The following CCDC40 variants were observed in gnomAD, a reference collection of about 807,000 sequenced individuals.
CCDC40 encodes the protein coiled-coil domain-containing protein 40.
CCDC40 carries 104 observed loss-of-function variants against 124.5 expected under a neutral mutation model. The ratio of observed to expected loss-of-function variants is 0.84; its 90% CI spans 0.71 to 0.98. The LOEUF (loss-of-function observed/expected upper bound fraction) is 0.98, where lower values mean the gene tolerates loss of function less well. CCDC40 is among the 50% of genes least tolerant of loss of function. The pLI is 0.00. For synonymous variants in CCDC40, 580 were observed against 602.9 expected, an observed-to-expected ratio of 0.96 and a Z score of 0.56; for missense variants, 1,463 against 1,503.9, an observed-to-expected ratio of 0.97 and a Z score of 0.45.
Position 80,050,046 on chromosome 17 carries a change from T to C in CCDC40, c.940-18T>C, listed in dbSNP as rs1568677227. ...GGATGCCTGCGTCCTGGTGACCCTGTTTCTCTCTTTGGTCCAGGTTGTGGC... is the reference window on the plus strand; with the variant it reads ...GGATGCCTGCGTCCTGGTGACCCTGCTTCTCTCTTTGGTCCAGGTTGTGGC... On this transcript the variant is annotated intron_variant, in intron 6 of 19. Transcript: ENST00000397545. 4.3e-6 allele frequency: 7 copies of C among 1,613,846 alleles called. No homozygotes were observed. Among genetic ancestry groups the C allele is most frequent in the Non-Finnish European group, 5.1e-6 (6 of 1,179,898 alleles).
At chr17:80,067,898 G>T in intron 10 of CCDC40, 1 of 1,350,012 alleles carries the variant, frequency 7.4e-7, no homozygotes, top group Non-Finnish European at 9.5e-7. Flanking sequence ...ACGTGCATGC[G>T]CAGAATGTTG....
At chr17:80,060,955 A>G (rs954346988) in intron 9 of CCDC40, among the ~76,000 whole-genome samples, 14 of 152,342 alleles carry the variant, frequency 9.2e-5, no homozygotes, top group East Asian at 3.9e-4. Flanking sequence ...TAAATGGGGG[A>G]AAATGTGCCA....
chr17:80,059,310 G>C lies in CCDC40; in HGVS notation c.1440+330G>C, dbSNP rs561872469. On this transcript the variant is annotated intron_variant, in intron 9 of 19. Transcript: ENST00000397545. ...GCCTGCAGGGACCTCTTCCGGGGAG[G>C]ACTGAAGTCTTTCTAACAATTCTCA... 8.5e-5 allele frequency among the ~76,000 whole-genome samples: 13 copies of C among 152,248 alleles called. No homozygotes were observed. In the South Asian group the frequency reaches 2.7e-3, roughly 32 times the overall value.
chr17:80,050,360 G>T lies in CCDC40; in HGVS notation c.1159+77G>T, dbSNP rs994970941. 4 of 1,201,944 alleles carry T rather than the reference G, an allele frequency of 3.3e-6. No individual in the cohort carries two copies. In the African/African-American group the frequency reaches 6.1e-5, roughly 18 times the overall value. The allele number at this position is 1,201,944 out of a possible 1,614,324, so 74.5% of individuals were successfully genotyped here. Reference sequence around the variant, plus strand: ...GGGGTGTCTCCATGTACCATGGCCAGGCATCTAGAAAAGTAAGATGTGTGT... The same window carrying T: ...GGGGTGTCTCCATGTACCATGGCCATGCATCTAGAAAAGTAAGATGTGTGT... On this transcript the variant is annotated intron_variant, in intron 7 of 19. Transcript: ENST00000397545.
chr17:80,067,215 CA>C (rs1568692961), intron 10 of CCDC40: 2 of 337,672 alleles, frequency 5.9e-6, no homozygotes, highest in Non-Finnish European at 1.1e-5. Flanking sequence ...CCAGACTAAC[CA>C]GTGTCCTCTC....
At chr17:80,089,653 C>G (rs745457984) in intron 16 of CCDC40, 111 bp from the exon 17 acceptor site, 44 of 1,345,864 alleles carry the variant, frequency 3.3e-5, no homozygotes, top group Non-Finnish European at 4.4e-5. Flanking sequence ...GTCGCAGCTG[C>G]TTGGCTCTGC....
chr17:80,091,342 CAGAG>C (rs146101730), intron 17 of CCDC40, among the ~76,000 whole-genome samples: 5 of 144,924 alleles, frequency 3.5e-5, no homozygotes, highest in East Asian at 2.0e-4. Context: ...CACACACACA[CAGAG>C]AGAGAGAGAG....
In CCDC40 at chr17:80,099,688, G is replaced by A; in HGVS notation, c.3342G>A (p.Val1114=). ...LALIATILDR[V]RDEYPQFQEA... is the part of the protein sequence containing the mutation. ...TCATCGCCACCATCCTGGACCGCGT[G>A]CGGGACGAGTACCCCCAGTTCCAGG... Residue 1114 remains valine (V), a synonymous_variant, in exon 20 of 20, where the codon GTG becomes GTA. Transcript: ENST00000397545. 6.2e-7 allele frequency: 1 copy of A among 1,613,896 alleles called. No homozygotes were observed. Among genetic ancestry groups the A allele is most frequent in the Non-Finnish European group, 8.5e-7 (1 of 1,180,030 alleles).
chr17:80,068,943 G>A (rs924061425), intron 10 of CCDC40, among the ~76,000 whole-genome samples: 3 of 152,256 alleles, frequency 2.0e-5, no homozygotes, highest in Admixed American at 6.5e-5. Context: ...CGGAATGCCT[G>A]GGCCCCGGCC....
intron 19 of CCDC40, chr17:80,097,633 G>C (rs1024950394): frequency 7.0e-6 from 4 of 575,266 alleles, no homozygotes; most frequent in Non-Finnish European, 1.2e-5. Context: ...CTCATGTTCA[G>C]CGTGCGAGGG....
chr17:80,044,644 C>CT (rs2037366071), intron 3 of CCDC40, among the ~76,000 whole-genome samples: 1 of 151,040 alleles, frequency 6.6e-6, no homozygotes, highest in South Asian at 2.1e-4. Flanking sequence ...GATCATGCCA[C>CT]TGCACTCCAG....
At chr17:80,042,732 G>T (rs376915165) in intron 3 of CCDC40, among the ~76,000 whole-genome samples, 208 of 152,270 alleles carry the variant, frequency 1.4e-3, no homozygotes, top group Middle Eastern at 0.01. Flanking sequence ...CTCTTGTCTT[G>T]CCCTGATCTT....
chr17:80,087,321 G>A lies in CCDC40; in HGVS notation c.2450-286G>A, dbSNP rs968378923. 39 of 492,222 alleles carry A rather than the reference G, an allele frequency of 7.9e-5. No homozygotes were observed. Among genetic ancestry groups the A allele is most frequent in the Admixed American group, 4.6e-4 (14 of 30,464 alleles). The allele number at this position is 492,222 out of a possible 1,614,324, so 30.5% of individuals were successfully genotyped here. Reference sequence around the variant, plus strand: ...GGGAGGGAGCCTGGCCCTCCCACACGCCCTGCCCACACCTGCTGGCTGTCC... The same window carrying A: ...GGGAGGGAGCCTGGCCCTCCCACACACCCTGCCCACACCTGCTGGCTGTCC... On this transcript the variant is annotated intron_variant, in intron 14 of 19. Transcript: ENST00000397545. This position sits in a 1 kb window ranked among gnomAD's most constrained non-coding sequence, Gnocchi z 4.5.
At chr17:80,089,466 A>G (rs2038655901) in intron 16 of CCDC40, 1 of 398,500 alleles carries the variant, frequency 2.5e-6, no homozygotes, top group Non-Finnish European at 4.7e-6. Context: ...AGCTTCTATC[A>G]ATTATACTGA....
chr17:80,090,246 A>C (rs1567813390), intron 17 of CCDC40: 2 of 874,766 alleles, frequency 2.3e-6, no homozygotes, highest in African/African-American at 1.8e-5. Flanking sequence ...CACGTGCACG[A>C]ACAACACGGG....
chr17:80,090,344 CAAGGGA>C, intron 17 of CCDC40: 3 of 618,478 alleles, frequency 4.9e-6, no homozygotes, highest in East Asian at 3.6e-5. Flanking sequence ...CGTGCACGAA[CAAGGGA>C]CGCGCGCAGG....
At chr17:80,079,559 GC>G (rs2038398472) in intron 10 of CCDC40, among the ~76,000 whole-genome samples, 1 of 152,024 alleles carries the variant, frequency 6.6e-6, no homozygotes, top group African/African-American at 2.4e-5. Flanking sequence ...CCATAATGAG[GC>G]CCTTTCCTGT....
chr17:80,091,125 C>T (rs1396127542), intron 17 of CCDC40, among the ~76,000 whole-genome samples: 1 of 152,196 alleles, frequency 6.6e-6, no homozygotes, highest in Non-Finnish European at 1.5e-5. Context: ...CTTGGCCCTA[C>T]ATGGTTACTA....
At chr17:80,055,996 A>ATTTTT in intron 7 of CCDC40, among the ~76,000 whole-genome samples, 2 of 5,672 alleles carry the variant, frequency 3.5e-4, no homozygotes, top group African/African-American at 3.2e-4. Context: ...ATATATATAT[A>ATTTTT]TATATATATA....
Sources: gnomAD v4.1 joint callset for allele counts (sites outside exome capture counted in the v4.1 genomes callset) on GRCh38, gnomAD v4.1.1 for gene constraint, Gnocchi (gnomAD v3.1) non-coding constraint, MANE v1.5 for transcripts, NCBI Gene and HGNC (gene_info 2026-07-23, HGNC 2026-07-21) for gene names.